The following TTC21B variants were observed in gnomAD, a reference collection of about 807,000 sequenced individuals.
The protein encoded by TTC21B is tetratricopeptide repeat domain 21B, also known as tetratricopeptide repeat protein 21B.
In TTC21B, 127 loss-of-function variants were observed where a neutral mutation model predicts 175.1. The ratio of observed to expected loss-of-function variants is 0.73; its 90% confidence interval spans 0.63 to 0.84. The LOEUF is 0.84. TTC21B is among the 40% of genes least tolerant of loss of function. TTC21B has a pLI of 0.00. For missense variants in TTC21B, 1,561 were observed against 1,558.3 expected, an observed-to-expected ratio of 1.00 and a Z score of -0.03; for synonymous variants, 524 against 524.5, an observed-to-expected ratio of 1.00 and a Z score of 0.01.
At chr2:165,943,118 T>C in intron 5 of TTC21B, 101 bp downstream of exon 5, 1 of 1,214,842 alleles carries the variant, frequency 8.2e-7, no homozygotes, top group Non-Finnish European at 1.2e-6. Context: ...AACAGTATCA[T>C]GAAAATTATC....
Position 165,890,584 on chromosome 2 carries a change from C to T in TTC21B, c.3158G>A (p.Arg1053His), listed in dbSNP as rs768306526. Residue 1053 changes from arginine (R) to histidine (H), a missense_variant, in exon 24 of 29, where the codon CGT becomes CAT. Transcript: ENST00000243344. ...ATAAAGGGCATTTTGGCCCCAGTCA[C>T]GATCTTTCCGAGCTTTATTAAAATG... Reference protein sequence around the residue: ...LRHFNKARKDRDWGQNALYNM... With the variant: ...LRHFNKARKDHDWGQNALYNM... 20 of 1,613,778 alleles carry T rather than the reference C, an allele frequency of 1.2e-5. No individual in the cohort carries two copies. The highest frequency in any genetic ancestry group is 6.6e-5 in the South Asian group (6 of 91,074).
intron 18 of TTC21B, 131 bp from the exon 19 acceptor site, chr2:165,907,915 C>T (rs1332572390): frequency 1.6e-6 from 1 of 613,188 alleles, no homozygotes; most frequent in Non-Finnish European, 2.8e-6. Flanking sequence ...AAAATTTTCT[C>T]AATCAGTTGC....
chr2:165,953,194 CTGAA>C (rs747405963), intron 1 of TTC21B, among the ~76,000 whole-genome samples: 7 of 152,166 alleles, frequency 4.6e-5, no homozygotes, highest in African/African-American at 4.8e-5. Context: ...TTAATATTTG[CTGAA>C]TGAATGAGTC....
chr2:165,877,093 G>A (rs1477191956), intron 27 of TTC21B, among the ~76,000 whole-genome samples: 1 of 152,148 alleles, frequency 6.6e-6, no homozygotes, highest in African/African-American at 2.4e-5. Flanking sequence ...CTATAAAAAT[G>A]AGAAAACTAA....
At chr2:165,916,049 G>A (rs1176564383) in intron 14 of TTC21B, among the ~76,000 whole-genome samples, 1 of 152,186 alleles carries the variant, frequency 6.6e-6, no homozygotes, top group African/African-American at 2.4e-5. Flanking sequence ...TTGGGAGGCC[G>A]AGCTGGGTGG....
rs1202567973 is a variant in TTC21B, at chr2:165,922,485, C to T, written c.1516+2064G>A. Reference sequence around the variant, plus strand: ...AACATTTTTAAAAAATGCTCAACGTCACTGATCATCAGGGAAATGTAAATT... The same window carrying T: ...AACATTTTTAAAAAATGCTCAACGTTACTGATCATCAGGGAAATGTAAATT... On this transcript the variant is annotated intron_variant, in intron 12 of 28. Coordinates refer to ENST00000243344, the MANE Select transcript of TTC21B (RefSeq NM_024753.5). 2.0e-5 allele frequency among the ~76,000 whole-genome samples: 3 copies of T among 146,382 alleles called. No individual in the cohort carries two copies. In the Admixed American group the frequency reaches 2.1e-4, roughly 10 times the overall value.
At chr2:165,897,955 G>T (rs1685425280) in intron 22 of TTC21B, among the ~76,000 whole-genome samples, 1 of 152,114 alleles carries the variant, frequency 6.6e-6, no homozygotes, top group South Asian at 2.1e-4. Flanking sequence ...GCAGTATGGG[G>T]GTCACCGACC....
chr2:165,903,215 A>C (rs1685623827), intron 19 of TTC21B, among the ~76,000 whole-genome samples: 1 of 152,218 alleles, frequency 6.6e-6, no homozygotes, highest in African/African-American at 2.4e-5. Flanking sequence ...CAGTCTTGGA[A>C]GTCAGGTAAG....
At position 165,880,715 on chromosome 2, in the gene TTC21B, C is replaced by A. The variant is rs749002381; in HGVS notation, c.3769G>T (p.Ala1257Ser). ...TTTGTCCGATTGCTATATTTCCATG[C>A]CATCTCATAGTTCAAGGCAGCATCT... The part of the protein sequence containing the change: ...YTDAALNYEM[A>S]WKYSNRTNPA... Residue 1257 changes from alanine (A) to serine (S), a missense_variant, in exon 27 of 29, where the codon GCA (alanine) becomes TCA (serine). Coordinates refer to ENST00000243344, the MANE Select transcript of TTC21B (RefSeq NM_024753.5). The A allele has an allele frequency of 1.9e-6, 3 of 1,613,556 alleles. No individual in the cohort carries two copies. In the Admixed American group the frequency reaches 5.0e-5, roughly 27 times the overall value.
chr2:165,921,707 C>T (rs755955658), intron 12 of TTC21B, among the ~76,000 whole-genome samples: 28 of 151,514 alleles, frequency 1.8e-4, no homozygotes, highest in Admixed American at 3.9e-4. Flanking sequence ...TGTCAGAAGT[C>T]ATTGCAGTTG....
chr2:165,927,764 G>C (rs1686733033), intron 11 of TTC21B, among the ~76,000 whole-genome samples: 1 of 151,992 alleles, frequency 6.6e-6, no homozygotes. Flanking sequence ...GAGGGTTTAA[G>C]TTTAAAAAAT....
chr2:165,891,493 T>C (rs1685191177), intron 22 of TTC21B, among the ~76,000 whole-genome samples: 1 of 152,190 alleles, frequency 6.6e-6, no homozygotes, highest in Admixed American at 6.5e-5. Context: ...GTAGCTAACA[T>C]ACCATATGCT....
intron 3 of TTC21B, among the ~76,000 whole-genome samples, chr2:165,946,052 G>A (rs1223140724): frequency 4.6e-5 from 7 of 151,980 alleles, no homozygotes; most frequent in African/African-American, 9.7e-5. Flanking sequence ...TTGGCTGGGC[G>A]CAGTGGCTCA....
chr2:165,911,298 C>CT, intron 18 of TTC21B, 29 bp downstream of exon 18: 1 of 1,613,170 alleles, frequency 6.2e-7, no homozygotes, highest in East Asian at 2.2e-5. Context: ...AGTTATCAGA[C>CT]TTTTTTCAAA....
At chr2:165,890,274 A>G (rs1685142422) in intron 24 of TTC21B, among the ~76,000 whole-genome samples, 1 of 152,226 alleles carries the variant, frequency 6.6e-6, no homozygotes, top group South Asian at 2.1e-4. Flanking sequence ...GAATAGTTAC[A>G]TTAGCAATAA....
intron 18 of TTC21B, among the ~76,000 whole-genome samples, chr2:165,908,253 C>T (rs1377946487): frequency 1.3e-5 from 2 of 152,142 alleles, no homozygotes; most frequent in African/African-American, 4.8e-5. Context: ...CTAGGCTTTA[C>T]CACTTACTAG....
intron 6 of TTC21B, among the ~76,000 whole-genome samples, chr2:165,938,158 A>G (rs529333349): frequency 8.0e-4 from 122 of 152,208 alleles, no homozygotes; most frequent in Non-Finnish European, 7.7e-4. Context: ...AACAAACCTG[A>G]GCCACTAATC....
At position 165,876,281 on chromosome 2, in the gene TTC21B, A is replaced by G. The variant is rs140004827; in HGVS notation, c.3806-49T>C. 2.8e-4 allele frequency: 339 copies of G among 1,190,422 alleles called. 8 individuals are homozygous for G. In the East Asian group the frequency reaches 7.9e-3, roughly 28 times the overall value. The allele number at this position is 1,190,422 out of a possible 1,614,324, so 73.7% of individuals were successfully genotyped here. A position where few individuals can be genotyped will look rare whatever the true frequency, so the allele number is the denominator to read the frequency against. On this transcript the variant is annotated intron_variant, in intron 27 of 28. Coordinates refer to ENST00000243344, the MANE Select transcript of TTC21B (RefSeq NM_024753.5). ...CAGAATGATGGAGTACACTGCTACTATTACTTTTCCTTGCCTCCTCCTCTC... is the reference window on the plus strand; with the variant it reads ...CAGAATGATGGAGTACACTGCTACTGTTACTTTTCCTTGCCTCCTCCTCTC...
chr2:165,919,465 C>A, intron 12 of TTC21B, 32 bp from the exon 13 acceptor site: 1 of 1,605,802 alleles, frequency 6.2e-7, no homozygotes, highest in South Asian at 1.1e-5. Flanking sequence ...TGTTATAATT[C>A]AAATGATTAA....
Sources: allele counts gnomAD v4.1 joint callset (sites outside exome capture counted in the v4.1 genomes callset), GRCh38; gene constraint gnomAD v4.1.1; transcripts MANE v1.5; gene names NCBI Gene and HGNC (gene_info 2026-07-23, HGNC 2026-07-21).